Variants in ANKRD28 observed in about 807,000 individuals in gnomAD.
The protein encoded by ANKRD28 is ankyrin repeat domain 28.
Under a neutral mutation model 126.5 loss-of-function variants are expected in ANKRD28, and 44 were observed. The ratio of observed to expected loss-of-function variants is 0.35; its 90% CI spans 0.27 to 0.45. The LOEUF (loss-of-function observed/expected upper bound fraction) is 0.45, where lower values mean the gene tolerates loss of function less well. Among genes scored for constraint, ANKRD28 ranks in the 20% least tolerant of loss-of-function variants. ANKRD28 has a pLI of 1.00. For missense variants in ANKRD28, 1,110 were observed against 1,316.6 expected (o/e 0.84, Z 2.43); for synonymous variants, 442 against 468.5 (o/e 0.94, Z 0.73).
intron 4 of ANKRD28, among the ~76,000 whole-genome samples, chr3:15,739,179 A>C (rs1202166266): frequency 6.6e-6 from 1 of 152,164 alleles, no homozygotes; most frequent in East Asian, 1.9e-4. Context: ...GTACATCCTC[A>C]GCTTACAAAG....
At position 15,696,259 on chromosome 3, in the gene ANKRD28, C is replaced by A; in HGVS notation, c.1548-14G>T. Reference sequence around the variant, plus strand: ...TATTCCAGGCACCTATATACAACAACAACAACATACTGAAAATCCTAAATC... The same window carrying A: ...TATTCCAGGCACCTATATACAACAAAAACAACATACTGAAAATCCTAAATC... On this transcript the variant is annotated splice_polypyrimidine_tract_variant and intron_variant, in intron 14 of 27. Coordinates refer to ENST00000683139, the MANE Select transcript of ANKRD28 (RefSeq NM_001349278.2). 2 of 1,475,646 alleles carry A rather than the reference C, an allele frequency of 1.4e-6. No individual in the cohort carries two copies. Among genetic ancestry groups the A allele is most frequent in the Non-Finnish European group, 1.9e-6 (2 of 1,077,282 alleles). 91.4% of individuals were successfully genotyped at this position (1,475,646 alleles called of 1,614,324 possible).
At position 15,817,834 on chromosome 3, in the gene ANKRD28, A is replaced by G. The variant is rs1049969105; in HGVS notation, c.28-22528T>C. ...TATATAGTTTGGAAGGGAAGAAATA[A>G]AAGTGCTTGCATTCACAGACAACAT... On this transcript the variant is annotated intron_variant, in intron 1 of 27. Coordinates refer to the ANKRD28 transcript ENST00000399451. The surrounding 1 kb of genome is among the most constrained non-coding windows in gnomAD (Gnocchi z 4.5). 6.6e-6 allele frequency among the ~76,000 whole-genome samples: 1 copy of G among 152,192 alleles called. No individual in the cohort carries two copies. Among genetic ancestry groups the G allele is most frequent in the Non-Finnish European group, 1.5e-5 (1 of 68,032 alleles).
chr3:15,774,896 A>G (rs1575628590), intron 2 of ANKRD28, among the ~76,000 whole-genome samples: 3 of 151,196 alleles, frequency 2.0e-5, no homozygotes, highest in Admixed American at 2.0e-4. Flanking sequence ...TTTATTTTTC[A>G]GACAGAGTCT....
At chr3:15,731,848 CAAAAAAAAAAAA>C (rs397934004) in intron 6 of ANKRD28, 4 of 4,522 alleles carry the variant, frequency 8.8e-4, no homozygotes, top group Non-Finnish European at 1.8e-3. Flanking sequence ...GAAACTGTCT[CAAAAAAAAAAAA>C]AAAAAAAAAA....
intron 18 of ANKRD28, among the ~76,000 whole-genome samples, chr3:15,687,865 T>C (rs188499856): frequency 6.6e-6 from 1 of 152,322 alleles, no homozygotes; most frequent in East Asian, 1.9e-4. Context: ...CTGATGAATG[T>C]TTGTGTCATC....
At chr3:15,676,127 C>T (rs1420667959) in intron 26 of ANKRD28, 138 bp from the exon 27 acceptor site, 1 of 562,260 alleles carries the variant, frequency 1.8e-6, no homozygotes, top group African/African-American at 1.9e-5. Flanking sequence ...GTCCTAATAA[C>T]AAAGATGGGG....
At chr3:15,708,480 A>T (rs942825799) in intron 13 of ANKRD28, among the ~76,000 whole-genome samples, 2 of 152,144 alleles carry the variant, frequency 1.3e-5, no homozygotes, top group African/African-American at 4.8e-5. Context: ...AAGGTAAGAG[A>T]AAAAAATAGA....
At chr3:15,716,742 T>C (rs1223094203) in intron 8 of ANKRD28, among the ~76,000 whole-genome samples, 1 of 152,224 alleles carries the variant, frequency 6.6e-6, no homozygotes. Flanking sequence ...TGATGAAATT[T>C]GGAAGATATA....
At position 15,718,040 on chromosome 3, in the gene ANKRD28, T is replaced by C. The variant is rs562119815; in HGVS notation, c.996+2875A>G. ...TCAAATTTTTATAATAAAGGGCAAG[T>C]GTAAAGTGTCCCCATAGTCAATCAA... On this transcript the variant is annotated intron_variant, in intron 8 of 27. Transcript: ENST00000683139. Among the ~76,000 whole-genome samples, 60 of 152,256 alleles carry C rather than the reference T, an allele frequency of 3.9e-4. 1 individual carries two copies. The South Asian group carries it at 0.012, about 31-fold the overall frequency.
Position 15,677,514 on chromosome 3 carries a change from C to T in ANKRD28, c.2756G>A (p.Ser919Asn). ...ASAELTLQDN[S>N]KNTALHLACS... ...AGCCAAATGGAGGGCAGTATTTTTA[C>T]TGTTATCTTGTAAAGTCAGTTCTGC... is the stretch of plus-strand genomic sequence containing the variant. The change falls in exon 25 of 28, where the codon AGT becomes AAT. Residue 919 changes from serine to asparagine, a missense_variant. Coordinates refer to ENST00000683139, the MANE Select transcript of ANKRD28 (RefSeq NM_001349278.2). The T allele has an allele frequency of 1.2e-6, 2 of 1,613,030 alleles. No homozygotes were observed. Among genetic ancestry groups the T allele is most frequent in the Non-Finnish European group, 1.7e-6 (2 of 1,179,264 alleles).
At chr3:15,810,368 AAAT>A (rs1176465447) in intron 1 of ANKRD28, among the ~76,000 whole-genome samples, 2 of 152,180 alleles carry the variant, frequency 1.3e-5, no homozygotes, top group African/African-American at 2.4e-5. Context: ...AGACATAAGA[AAAT>A]AATGTGAGGC....
intron 21 of ANKRD28, chr3:15,684,261 C>G (rs1162419205): frequency 1.3e-5 from 2 of 152,164 alleles, no homozygotes; most frequent in African/African-American, 4.8e-5. Context: ...GCATTTTTAA[C>G]ATCTATAACT....
At chr3:15,681,308 T>A (rs2067522638) in intron 21 of ANKRD28, among the ~76,000 whole-genome samples, 1 of 152,184 alleles carries the variant, frequency 6.6e-6, no homozygotes, top group Admixed American at 6.5e-5. Context: ...TGATGGACAT[T>A]CAGTTGAATT....
At chr3:15,855,048 AAAAAAC>A (rs913933895) in intron 1 of ANKRD28, among the ~76,000 whole-genome samples, 33 of 152,278 alleles carry the variant, frequency 2.2e-4, no homozygotes, top group African/African-American at 3.1e-4. Context: ...ACTCCGTCTC[AAAAAAC>A]AAAAACAAAA....
chr3:15,767,749 G>A lies in ANKRD28; in HGVS notation c.202-1437C>T, dbSNP rs573536806. On this transcript the variant is annotated intron_variant, in intron 2 of 27. Coordinates refer to ENST00000683139, the MANE Select transcript of ANKRD28 (RefSeq NM_001349278.2). ...AAAAAAAAAAAAAAAAAAGCCGCAC[G>A]TGGTGGCGGGTGCCTGTAGTCCTGG... Among the ~76,000 whole-genome samples the A allele has an allele frequency of 5.2e-5, 7 of 133,910 alleles. No homozygotes were observed. In the East Asian group the frequency reaches 9.3e-4, roughly 18 times the overall value. The allele number at this position is 133,910 out of a possible 152,430, so 87.9% of individuals were successfully genotyped here. A position where few individuals can be genotyped will look rare whatever the true frequency, so the allele number is the denominator to read the frequency against.
chr3:15,714,684 C>T (rs1164560141), intron 8 of ANKRD28, 28 bp from the exon 9 acceptor site: 2 of 1,511,480 alleles, frequency 1.3e-6, no homozygotes, highest in Admixed American at 2.1e-5. Flanking sequence ...AAATTACTCA[C>T]TCTACTATAT....
rs2061505841 is a variant in ANKRD28, at chr3:15,845,173, G to C, written c.27+14204C>G. On this transcript the variant is annotated intron_variant, in intron 1 of 27. Coordinates refer to the ANKRD28 transcript ENST00000399451. The surrounding 1 kb of genome is among the most constrained non-coding windows in gnomAD (Gnocchi z 4.9). ...GGATTATAACTAGAAATGAGATTTA[G>C]GCACACAAATCCAAACCATATCACT... is the stretch of plus-strand genomic sequence containing the variant. Among the ~76,000 whole-genome samples, 1 of 152,126 alleles carries C rather than the reference G, an allele frequency of 6.6e-6. No homozygotes were observed. The highest frequency in any genetic ancestry group is 1.5e-5 in the Non-Finnish European group (1 of 68,030).
At chr3:15,818,658 G>T (rs1375605941) in intron 1 of ANKRD28, among the ~76,000 whole-genome samples, 1 of 152,130 alleles carries the variant, frequency 6.6e-6, no homozygotes, top group Non-Finnish European at 1.5e-5. Flanking sequence ...ACTGTAAAAT[G>T]AAAGTGAGAT....
Position 15,797,063 on chromosome 3 carries a change from T to A in ANKRD28, c.-542A>T. ...TAAAATCTCACTATTCTGTTTCCAC[T>A]TCTAATTTGTCTTCATTTCTTCATC... On this transcript the variant is annotated 5_prime_UTR_variant, in exon 1 of 28. In the 5' UTR this introduces an upstream ATG that the reference lacks. Coordinates refer to ENST00000683139, the MANE Select transcript of ANKRD28 (RefSeq NM_001349278.2). 1 of 985,348 alleles carries A rather than the reference T, an allele frequency of 1.0e-6. No individual in the cohort carries two copies. The highest frequency in any genetic ancestry group is 1.2e-6 in the Non-Finnish European group (1 of 829,870). The allele number at this position is 985,348 out of a possible 1,614,324, so 61.0% of individuals were successfully genotyped here. A position where few individuals can be genotyped will look rare whatever the true frequency, so the allele number is the denominator to read the frequency against.
Sources: gnomAD v4.1 joint callset for allele counts (sites outside exome capture counted in the v4.1 genomes callset) on GRCh38, gnomAD v4.1.1 for gene constraint, Gnocchi (gnomAD v3.1) non-coding constraint, MANE v1.5 for transcripts, NCBI Gene and HGNC (gene_info 2026-07-23, HGNC 2026-07-21) for gene names.